Variants in HIBADH observed in about 807,000 individuals in gnomAD.
HIBADH encodes the protein 3-hydroxyisobutyrate dehydrogenase, mitochondrial.
A neutral mutation model predicts 36.1 loss-of-function variants in HIBADH; 25 were observed. The observed-to-expected ratio is 0.69, with a 90% CI of 0.50 to 0.97. The LOEUF (loss-of-function observed/expected upper bound fraction) is 0.97, where lower values mean the gene tolerates loss of function less well. Ranked by LOEUF, HIBADH falls within the 50% of genes least tolerant of loss-of-function variation. HIBADH has a pLI of 0.00. For missense variants in HIBADH, 421 were observed against 418.0 expected, an observed-to-expected ratio of 1.01 and a Z score of -0.06; for synonymous variants, 160 against 149.5, an observed-to-expected ratio of 1.07 and a Z score of -0.51.
intron 4 of HIBADH, among the ~76,000 whole-genome samples, chr7:27,585,660 A>T (rs1161377625): frequency 6.6e-6 from 1 of 152,224 alleles, no homozygotes; most frequent in Non-Finnish European, 1.5e-5. Flanking sequence ...CGATTCAAAG[A>T]GAAACAGATC....
intron 5 of HIBADH, among the ~76,000 whole-genome samples, chr7:27,542,557 T>TC (rs1373556492): frequency 6.9e-5 from 10 of 144,258 alleles, no homozygotes; most frequent in South Asian, 2.3e-4. Context: ...GCTCAGGTGA[T>TC]CCCCCCACCT....
chr7:27,642,551 A>C (rs1271771095), intron 2 of HIBADH, among the ~76,000 whole-genome samples: 1 of 152,026 alleles, frequency 6.6e-6, no homozygotes, highest in African/African-American at 2.4e-5. Flanking sequence ...GCAAAGACTG[A>C]GGCTCCACTT....
chr7:27,582,700 C>CA (rs1440092041), intron 4 of HIBADH, among the ~76,000 whole-genome samples: 3 of 152,112 alleles, frequency 2.0e-5, no homozygotes, highest in Admixed American at 1.3e-4. Flanking sequence ...ACCTCAAAAT[C>CA]AATCTGGTTT....
chr7:27,613,045 A>AAT (rs1182468278), intron 4 of HIBADH, among the ~76,000 whole-genome samples: 5 of 128,178 alleles, frequency 3.9e-5, no homozygotes, highest in African/African-American at 1.4e-4. Flanking sequence ...ATAATATATA[A>AAT]ATATATATAA....
intron 2 of HIBADH, among the ~76,000 whole-genome samples, chr7:27,644,363 G>A (rs1277843411): frequency 6.6e-6 from 1 of 152,052 alleles, no homozygotes; most frequent in Non-Finnish European, 1.5e-5. Flanking sequence ...ACTTTGGGAG[G>A]CCAAGGCGGG....
intron 4 of HIBADH, among the ~76,000 whole-genome samples, chr7:27,575,836 A>G (rs896692935): frequency 2.0e-5 from 3 of 152,240 alleles, no homozygotes; most frequent in Non-Finnish European, 4.4e-5. Context: ...CTTTTTCCTG[A>G]ATGGATTCTG....
intron 4 of HIBADH, among the ~76,000 whole-genome samples, chr7:27,572,190 T>G (rs1784639116): frequency 6.6e-6 from 1 of 152,216 alleles, no homozygotes. Context: ...AGCCAGAGCT[T>G]CTGGCTTTAT....
At chr7:27,618,634 T>C (rs1044257361) in intron 4 of HIBADH, among the ~76,000 whole-genome samples, 1 of 152,178 alleles carries the variant, frequency 6.6e-6, no homozygotes, top group African/African-American at 2.4e-5. Context: ...GGTGCCAGCA[T>C]GTATGAGGCT....
At chr7:27,573,558 A>C (rs1055927121) in intron 4 of HIBADH, among the ~76,000 whole-genome samples, 1 of 152,224 alleles carries the variant, frequency 6.6e-6, no homozygotes, top group African/African-American at 2.4e-5. Flanking sequence ...GAGTGGAAGA[A>C]GTATAGGAAA....
At chr7:27,528,450 T>C (rs1327377790) in intron 7 of HIBADH, among the ~76,000 whole-genome samples, 1 of 152,190 alleles carries the variant, frequency 6.6e-6, no homozygotes, top group Admixed American at 6.5e-5. Context: ...ACAAATGCTA[T>C]TCCAGTGAAC....
At chr7:27,602,068 T>C (rs1524527) in intron 4 of HIBADH, among the ~76,000 whole-genome samples, 32,496 of 151,884 alleles carry the variant, frequency 0.21, 4,426 homozygotes, top group East Asian at 0.44. Context: ...TGCAATAATA[T>C]TGAAAATCCT....
At chr7:27,595,898 T>C (rs1785025950) in intron 4 of HIBADH, among the ~76,000 whole-genome samples, 3 of 152,110 alleles carry the variant, frequency 2.0e-5, no homozygotes, top group Admixed American at 1.3e-4. Flanking sequence ...GATCGTAATT[T>C]GGAGGAAAAA....
At chr7:27,568,716 C>T (rs948971545) in intron 4 of HIBADH, among the ~76,000 whole-genome samples, 1 of 152,056 alleles carries the variant, frequency 6.6e-6, no homozygotes, top group Non-Finnish European at 1.5e-5. Flanking sequence ...AGTGATCCAC[C>T]CACTTTAGTC....
chr7:27,538,265 TCA>T (rs961059559), intron 6 of HIBADH, 74 bp downstream of exon 6: 2 of 1,104,754 alleles, frequency 1.8e-6, no homozygotes, highest in African/African-American at 3.2e-5. Context: ...CTCATGAATA[TCA>T]TTTTTTTAAC....
chr7:27,532,514 C>T (rs1249251857), intron 6 of HIBADH, among the ~76,000 whole-genome samples: 1 of 152,162 alleles, frequency 6.6e-6, no homozygotes, highest in Admixed American at 6.5e-5. Context: ...GATGCTAGAG[C>T]AGGGGGCTGA....
chr7:27,554,132 C>A (rs1784358892), intron 4 of HIBADH, among the ~76,000 whole-genome samples: 1 of 152,156 alleles, frequency 6.6e-6, no homozygotes, highest in Non-Finnish European at 1.5e-5. Flanking sequence ...ATTACAGGCG[C>A]CCACTACCAC....
chr7:27,531,543 T>G (rs747148067), intron 6 of HIBADH, among the ~76,000 whole-genome samples, 195 bp from the exon 7 acceptor site: 1 of 152,216 alleles, frequency 6.6e-6, no homozygotes, highest in Non-Finnish European at 1.5e-5. Context: ...AATAAGAATA[T>G]TTTTGAGCCA....
At chr7:27,648,746 A>G (rs1232524207) in intron 2 of HIBADH, among the ~76,000 whole-genome samples, 1 of 152,254 alleles carries the variant, frequency 6.6e-6, no homozygotes, top group East Asian at 1.9e-4. Flanking sequence ...CTTAACCAGC[A>G]GATGTTATCA....
chr7:27,574,170 G>GTGAT (rs1784669053), intron 4 of HIBADH, among the ~76,000 whole-genome samples: 1 of 149,944 alleles, frequency 6.7e-6, no homozygotes, highest in African/African-American at 2.5e-5. Context: ...AGAAAAGTCT[G>GTGAT]TGATGGAAAT....
Sources: allele counts gnomAD v4.1 joint callset (sites outside exome capture counted in the v4.1 genomes callset), GRCh38; gene constraint gnomAD v4.1.1; transcripts MANE v1.5; gene names NCBI Gene and HGNC (gene_info 2026-07-23, HGNC 2026-07-21).